The following C1orf21 variants were observed in gnomAD, a reference collection of about 807,000 sequenced individuals.
The protein encoded by C1orf21 is uncharacterized protein C1orf21.
Under a neutral mutation model 18.7 loss-of-function variants are expected in C1orf21, and 3 were observed. That is an observed-to-expected ratio of 0.16 (90% CI 0.07 to 0.42). The LOEUF is 0.42. Ranked by LOEUF, C1orf21 falls within the 10% of genes least tolerant of loss-of-function variation. The pLI, the probability that C1orf21 is intolerant of heterozygous loss-of-function variation, is 0.99. For synonymous variants in C1orf21, 41 were observed against 46.4 expected (o/e 0.88, Z 0.47); for missense variants, 104 against 143.6 (o/e 0.72, Z 1.41).
In C1orf21 at chr1:184,498,369, A is replaced by G. The variant is rs199799375; in HGVS notation, c.95-9219A>G. ...TATTTCTTCCTTAAGACATGCATCC[A>G]TGCGTGTATGTCTATGCGTTCTCTC... is the stretch of plus-strand genomic sequence containing the variant. On this transcript the variant is annotated intron_variant, in intron 2 of 5. Transcript: ENST00000235307. Among the ~76,000 whole-genome samples the G allele has an allele frequency of 3.9e-5, 6 of 152,364 alleles. No homozygotes were observed. In the East Asian group the frequency reaches 1.2e-3, roughly 29 times the overall value.
chr1:184,482,502 A>G (rs964818902), intron 2 of C1orf21, among the ~76,000 whole-genome samples: 8 of 152,246 alleles, frequency 5.3e-5, no homozygotes, highest in Non-Finnish European at 1.2e-4. Flanking sequence ...CGCCCATTGC[A>G]AGAGGAAATT....
At chr1:184,457,762 A>G (rs568998111) in intron 1 of C1orf21, among the ~76,000 whole-genome samples, 16 of 152,306 alleles carry the variant, frequency 1.1e-4, no homozygotes, top group African/African-American at 3.9e-4. Flanking sequence ...AGAAAGTGAG[A>G]TTGCATCAGC....
At chr1:184,392,058 T>C (rs1300531140) in intron 1 of C1orf21, among the ~76,000 whole-genome samples, 1 of 152,166 alleles carries the variant, frequency 6.6e-6, no homozygotes, top group East Asian at 1.9e-4. Flanking sequence ...GGAATAGATA[T>C]AATTTCTGTA....
chr1:184,555,449 T>A (rs574076534), intron 3 of C1orf21, among the ~76,000 whole-genome samples: 5 of 152,168 alleles, frequency 3.3e-5, no homozygotes, highest in Non-Finnish European at 7.3e-5. Flanking sequence ...ATGCTGCTGC[T>A]TCTGTCATGG....
At chr1:184,481,879 C>T (rs1392914484) in intron 2 of C1orf21, among the ~76,000 whole-genome samples, 2 of 152,126 alleles carry the variant, frequency 1.3e-5, no homozygotes, top group Non-Finnish European at 2.9e-5. Flanking sequence ...AGTTCCAGTA[C>T]CCTAGATATT....
chr1:184,510,256 C>T (rs528779551), intron 3 of C1orf21, among the ~76,000 whole-genome samples: 18 of 152,284 alleles, frequency 1.2e-4, no homozygotes, highest in South Asian at 1.0e-3. Flanking sequence ...AAGGAGCTTA[C>T]GGTATATTTT....
intron 2 of C1orf21, among the ~76,000 whole-genome samples, chr1:184,491,548 C>T (rs570012941): frequency 1.3e-5 from 2 of 152,270 alleles, no homozygotes; most frequent in South Asian, 4.1e-4. Context: ...AACAGATTTT[C>T]ACCATATTGC....
At chr1:184,533,001 A>G (rs2101973853) in intron 3 of C1orf21, among the ~76,000 whole-genome samples, 1 of 152,272 alleles carries the variant, frequency 6.6e-6, no homozygotes, top group South Asian at 2.1e-4. Context: ...CATGAGTATT[A>G]AAGTCATCTT....
chr1:184,479,687 A>G (rs750864460), intron 2 of C1orf21, among the ~76,000 whole-genome samples: 14 of 134,628 alleles, frequency 1.0e-4, no homozygotes, highest in Non-Finnish European at 2.1e-4. Context: ...TGGTGCGATC[A>G]GGGTTCACTG....
At chr1:184,588,835 T>A (rs537749708) in intron 3 of C1orf21, among the ~76,000 whole-genome samples, 9 of 152,246 alleles carry the variant, frequency 5.9e-5, no homozygotes, top group Admixed American at 3.3e-4. Flanking sequence ...ATATGGGAAA[T>A]CCTAAACTGC....
At chr1:184,394,218 C>T (rs1656013841) in intron 1 of C1orf21, among the ~76,000 whole-genome samples, 2 of 152,150 alleles carry the variant, frequency 1.3e-5, no homozygotes, top group African/African-American at 2.4e-5. Flanking sequence ...TACTTTAAAG[C>T]AGAACAGGGA....
At chr1:184,604,006 A>G (rs990751176) in intron 5 of C1orf21, among the ~76,000 whole-genome samples, 1 of 152,216 alleles carries the variant, frequency 6.6e-6, no homozygotes, top group Non-Finnish European at 1.5e-5. Flanking sequence ...ACATCAGATT[A>G]GTCTGATCCA....
intron 2 of C1orf21, among the ~76,000 whole-genome samples, chr1:184,487,652 C>T (rs1457165718): frequency 6.6e-6 from 1 of 152,172 alleles, no homozygotes; most frequent in Non-Finnish European, 1.5e-5. Context: ...TCTGGAGATT[C>T]TAATATGGTC....
At chr1:184,431,350 T>A (rs1041914930) in intron 1 of C1orf21, among the ~76,000 whole-genome samples, 59 of 152,148 alleles carry the variant, frequency 3.9e-4, no homozygotes, top group African/African-American at 1.3e-3. Flanking sequence ...ACAAACCTGA[T>A]AAAAACAGGC....
At chr1:184,454,667 T>G (rs1657171586) in intron 1 of C1orf21, among the ~76,000 whole-genome samples, 1 of 152,052 alleles carries the variant, frequency 6.6e-6, no homozygotes, top group South Asian at 2.1e-4. Flanking sequence ...GCACCTCCCC[T>G]CTCTCTTGCT....
intron 2 of C1orf21, among the ~76,000 whole-genome samples, chr1:184,502,710 T>A (rs1031527004): frequency 6.6e-6 from 1 of 152,188 alleles, no homozygotes; most frequent in Non-Finnish European, 1.5e-5. Flanking sequence ...ACACCTTTCA[T>A]GTCTAGTCTC....
At chr1:184,548,598 GA>G (rs1658766195) in intron 3 of C1orf21, among the ~76,000 whole-genome samples, 2 of 151,974 alleles carry the variant, frequency 1.3e-5, no homozygotes, top group African/African-American at 4.8e-5. Flanking sequence ...CAGTTCCCAA[GA>G]GGTCTGTAGA....
At chr1:184,586,535 G>A (rs145132440) in intron 3 of C1orf21, among the ~76,000 whole-genome samples, 9,398 of 151,918 alleles carry the variant, frequency 0.062, 406 homozygotes, top group African/African-American at 0.11. Flanking sequence ...CGCCCGCCTC[G>A]GCCTCCCAAA....
chr1:184,441,246 A>G (rs1656940193), intron 1 of C1orf21, among the ~76,000 whole-genome samples: 1 of 152,176 alleles, frequency 6.6e-6, no homozygotes, highest in Admixed American at 6.5e-5. Context: ...ACTATGCTAT[A>G]TCTTTTACTT....
Sources: allele counts gnomAD v4.1 joint callset (sites outside exome capture counted in the v4.1 genomes callset), GRCh38; gene constraint gnomAD v4.1.1; transcripts MANE v1.5; gene names NCBI Gene and HGNC (gene_info 2026-07-23, HGNC 2026-07-21).